Variants in CMSS1 observed in about 807,000 individuals in gnomAD.
CMSS1 encodes the protein protein CMSS1.
In CMSS1, 33 loss-of-function variants were observed where a neutral mutation model predicts 43.5. The ratio of observed to expected loss-of-function variants is 0.76; its 90% CI spans 0.57 to 1.01. The LOEUF is 1.01. CMSS1 is among the 50% of genes least tolerant of loss of function. CMSS1 has a pLI of 0.00. For synonymous variants in CMSS1, 115 were observed against 117.2 expected, an observed-to-expected ratio of 0.98 and a Z score of 0.12; for missense variants, 313 against 326.4, an observed-to-expected ratio of 0.96 and a Z score of 0.32.
At chr3:100,157,258 T>C (rs2066984042) in intron 2 of CMSS1, among the ~76,000 whole-genome samples, 1 of 152,190 alleles carries the variant, frequency 6.6e-6, no homozygotes, top group Non-Finnish European at 1.5e-5. Flanking sequence ...TAACTGTTTT[T>C]CCCATTTTTA....
intron 1 of CMSS1, among the ~76,000 whole-genome samples, chr3:100,013,296 T>C (rs958363204): frequency 2.0e-5 from 3 of 151,824 alleles, no homozygotes; most frequent in African/African-American, 7.3e-5. Flanking sequence ...CAGGCTGGAG[T>C]GCAGTGGTGC....
chr3:100,034,154 T>G (rs981802920), intron 1 of CMSS1, among the ~76,000 whole-genome samples: 1 of 152,212 alleles, frequency 6.6e-6, no homozygotes, highest in Admixed American at 6.5e-5. Context: ...TTATGGACAC[T>G]AAATTCCATT....
chr3:100,107,573 T>A (rs2066415852), intron 1 of CMSS1, among the ~76,000 whole-genome samples: 1 of 152,190 alleles, frequency 6.6e-6, no homozygotes, highest in Non-Finnish European at 1.5e-5. Flanking sequence ...AAACTTGCAG[T>A]CTTGTGAGTA....
chr3:100,164,151 TC>T (rs1434358204), intron 4 of CMSS1, among the ~76,000 whole-genome samples: 1 of 152,234 alleles, frequency 6.6e-6, no homozygotes, highest in Non-Finnish European at 1.5e-5. Flanking sequence ...AATCCACTCT[TC>T]TCAGCACACC....
intron 1 of CMSS1, among the ~76,000 whole-genome samples, chr3:100,008,992 C>T (rs4928236): frequency 0.8 from 121,650 of 152,218 alleles, 48,796 homozygotes; most frequent in East Asian, 0.88. Flanking sequence ...TCATATGCAA[C>T]GATAGTTTTA....
chr3:99,890,587 G>T (rs933368980), intron 1 of CMSS1, among the ~76,000 whole-genome samples: 1 of 151,924 alleles, frequency 6.6e-6, no homozygotes, highest in Non-Finnish European at 1.5e-5. Flanking sequence ...CAATTTCTTT[G>T]AATTTTTCTT....
intron 1 of CMSS1, among the ~76,000 whole-genome samples, chr3:100,139,403 C>T (rs2066783867): frequency 6.7e-6 from 1 of 148,256 alleles, no homozygotes; most frequent in African/African-American, 2.5e-5. Flanking sequence ...GCCAGGAGGC[C>T]AGGCATGGTG....
intron 1 of CMSS1, among the ~76,000 whole-genome samples, chr3:100,060,435 CA>C (rs1326725750): frequency 2.0e-5 from 3 of 151,880 alleles, no homozygotes; most frequent in Non-Finnish European, 1.5e-5. Context: ...TAAAGTATGC[CA>C]ATGCCCTAAA....
intron 1 of CMSS1, among the ~76,000 whole-genome samples, chr3:100,100,750 G>T (rs1187130547): frequency 6.6e-6 from 1 of 152,196 alleles, no homozygotes; most frequent in African/African-American, 2.4e-5. Flanking sequence ...GCATCACTAA[G>T]ATATCTGGTG....
intron 1 of CMSS1, chr3:99,876,265 C>A (rs973802628): frequency 3.1e-6 from 3 of 966,122 alleles, no homozygotes; most frequent in Non-Finnish European, 3.7e-6. Context: ...TCGGCGGGGG[C>A]GCCGGTGACC....
At chr3:99,862,856 C>G (rs1040702178) in intron 1 of CMSS1, among the ~76,000 whole-genome samples, 1 of 152,206 alleles carries the variant, frequency 6.6e-6, no homozygotes, top group African/African-American at 2.4e-5. Context: ...AGCTCTTCTC[C>G]CTTCCTGGAA....
At chr3:99,876,191 C>T in intron 1 of CMSS1, 2 of 985,432 alleles carry the variant, frequency 2.0e-6, no homozygotes, top group Non-Finnish European at 2.4e-6. Context: ...GCGCTGAGCG[C>T]GCCCGGCCTA....
chr3:100,068,863 G>T (rs2065713195), intron 1 of CMSS1, among the ~76,000 whole-genome samples: 1 of 151,910 alleles, frequency 6.6e-6, no homozygotes, highest in South Asian at 2.1e-4. Context: ...TGTTTCTTCT[G>T]TTTGTGATTT....
At chr3:100,012,507 C>T (rs530692281) in intron 1 of CMSS1, among the ~76,000 whole-genome samples, 1 of 152,080 alleles carries the variant, frequency 6.6e-6, no homozygotes, top group African/African-American at 2.4e-5. Context: ...CTACATATCA[C>T]TTAGTAAAGG....
chr3:99,983,462 GTGTATATATATATATATATATATA>G lies in CMSS1; in HGVS notation c.65-163509_65-163486del, dbSNP rs1352154309. The stretch of plus-strand genomic sequence containing the variant: ...TATATGTATGTATATATATATATGT[GTGTATATATATATATATATATATA>G]TATATATATATATATATATATATGT... On this transcript the variant is annotated intron_variant, in intron 1 of 9. Coordinates refer to ENST00000421999, the MANE Select transcript of CMSS1 (RefSeq NM_032359.4). Among the ~76,000 whole-genome samples, 23 of 11,988 alleles carry G rather than the reference GTGTATATATATATATATATATATA, an allele frequency of 1.9e-3. No homozygotes were observed. The East Asian group carries it at 0.028, about 14-fold the overall frequency. The allele number at this position is 11,988 out of a possible 152,430, so 7.9% of individuals were successfully genotyped here. A position where few individuals can be genotyped will look rare whatever the true frequency, so the allele number is the denominator to read the frequency against.
intron 1 of CMSS1, among the ~76,000 whole-genome samples, chr3:100,088,961 T>C (rs1282949535): frequency 1.3e-5 from 2 of 152,200 alleles, no homozygotes; most frequent in Non-Finnish European, 2.9e-5. Flanking sequence ...AAGTCACTGT[T>C]TGCATGTACT....
At chr3:100,034,886 G>C (rs1483226091) in intron 1 of CMSS1, among the ~76,000 whole-genome samples, 1 of 152,076 alleles carries the variant, frequency 6.6e-6, no homozygotes, top group Non-Finnish European at 1.5e-5. Context: ...TTTCTCAGTA[G>C]AATATCTCAA....
chr3:99,999,600 CT>C (rs1344938968), intron 1 of CMSS1, among the ~76,000 whole-genome samples: 1 of 152,170 alleles, frequency 6.6e-6, no homozygotes, highest in Non-Finnish European at 1.5e-5. Flanking sequence ...AGTCTTGAAT[CT>C]GTTAGAGAGG....
At chr3:100,134,902 T>C (rs141736826) in intron 1 of CMSS1, among the ~76,000 whole-genome samples, 26 of 152,302 alleles carry the variant, frequency 1.7e-4, no homozygotes, top group African/African-American at 5.3e-4. Flanking sequence ...CAATATTGCA[T>C]AGTAGTTAAG....
Sources: allele counts gnomAD v4.1 joint callset (sites outside exome capture counted in the v4.1 genomes callset), GRCh38; gene constraint gnomAD v4.1.1; transcripts MANE v1.5; gene names NCBI Gene and HGNC (gene_info 2026-07-23, HGNC 2026-07-21).